DPP6: variants seen among roughly 807,000 people sequenced by gnomAD.
The protein encoded by DPP6 is A-type potassium channel modulatory protein DPP6.
In DPP6, 69 loss-of-function variants were observed where a neutral mutation model predicts 122.6. The observed-to-expected ratio is 0.56, with a 90% CI of 0.46 to 0.69. DPP6 has a LOEUF of 0.69. Ranked by LOEUF, DPP6 falls within the 30% of genes least tolerant of loss-of-function variation. The probability of loss-of-function intolerance (pLI) is 0.00; values close to 1 mark genes in which losing one functional copy is unlikely to be tolerated. For missense variants in DPP6, 928 were observed against 1,116.9 expected (o/e 0.83, Z 2.41); for synonymous variants, 418 against 433.1 (o/e 0.97, Z 0.43).
chr7:154,386,063 A>AG (rs1263756578), intron 1 of DPP6, among the ~76,000 whole-genome samples: 2 of 152,178 alleles, frequency 1.3e-5, no homozygotes, highest in Non-Finnish European at 2.9e-5. Context: ...AAATGCTGCT[A>AG]GTGCCAAGAT....
the DPP6 span, among the ~76,000 whole-genome samples, chr7:153,860,068 C>T: frequency 6.6e-6 from 1 of 152,270 alleles, no homozygotes; most frequent in South Asian, 2.1e-4. Context: ...ACATAGCTAT[C>T]ACTCAATTTA....
At chr7:154,135,582 C>T (rs1585455101) in intron 1 of DPP6, among the ~76,000 whole-genome samples, 1 of 152,054 alleles carries the variant, frequency 6.6e-6, no homozygotes, top group East Asian at 1.9e-4. Context: ...TACTTCCTCT[C>T]TGTGCAATTC....
intron 7 of DPP6, among the ~76,000 whole-genome samples, chr7:154,690,498 C>T (rs3807240): frequency 0.084 from 12,731 of 152,134 alleles, 570 homozygotes; most frequent in Middle Eastern, 0.13. Context: ...GAGAATGGAA[C>T]GGTGCCCATG....
chr7:154,187,634 G>A (rs996209612), intron 1 of DPP6, among the ~76,000 whole-genome samples: 3 of 152,144 alleles, frequency 2.0e-5, no homozygotes, highest in Non-Finnish European at 2.9e-5. Flanking sequence ...CCACAATCAC[G>A]AAGGGCAGTG....
chr7:154,721,234 G>A (rs1318700307), intron 7 of DPP6, among the ~76,000 whole-genome samples: 4 of 152,192 alleles, frequency 2.6e-5, no homozygotes, highest in African/African-American at 9.7e-5. Flanking sequence ...GGAACCTGCT[G>A]CGTAAGGTCC....
chr7:154,467,711 G>T (rs999719382), intron 2 of DPP6, among the ~76,000 whole-genome samples: 1 of 152,130 alleles, frequency 6.6e-6, no homozygotes, highest in African/African-American at 2.4e-5. Context: ...GTCCAAGCTG[G>T]CAATGTTTCT....
At chr7:154,476,911 T>C (rs1041576690) in intron 3 of DPP6, among the ~76,000 whole-genome samples, 3 of 152,016 alleles carry the variant, frequency 2.0e-5, no homozygotes, top group Non-Finnish European at 4.4e-5. Flanking sequence ...GGGAAACATG[T>C]TGAAACGTCA....
chr7:154,545,107 T>A (rs1292665631), intron 4 of DPP6, among the ~76,000 whole-genome samples: 2 of 152,138 alleles, frequency 1.3e-5, no homozygotes, highest in Non-Finnish European at 2.9e-5. Flanking sequence ...AAACCTAAGC[T>A]CACTTTTATT....
the DPP6 span, among the ~76,000 whole-genome samples, chr7:153,847,174 A>C: frequency 6.6e-6 from 1 of 152,062 alleles, no homozygotes; most frequent in Non-Finnish European, 1.5e-5. Flanking sequence ...TTTTATTTTT[A>C]TTTTTTTAAG....
At chr7:154,747,318 G>T (rs764112111) in intron 8 of DPP6, among the ~76,000 whole-genome samples, 3 of 152,214 alleles carry the variant, frequency 2.0e-5, no homozygotes, top group Non-Finnish European at 4.4e-5. Flanking sequence ...CTCTTAGAAG[G>T]TTGCAAACCT....
chr7:154,584,849 G>A (rs1044295240), intron 5 of DPP6, among the ~76,000 whole-genome samples: 3 of 152,102 alleles, frequency 2.0e-5, no homozygotes, highest in African/African-American at 2.4e-5. Context: ...GCTATTCATC[G>A]GCCTCTCATT....
chr7:154,366,016 C>T (rs928029052), intron 1 of DPP6, among the ~76,000 whole-genome samples: 3 of 151,768 alleles, frequency 2.0e-5, no homozygotes, highest in Non-Finnish European at 2.9e-5. Flanking sequence ...CTCTATCTTC[C>T]GGGGTAAGCC....
chr7:154,482,757 A>G (rs1374473919), intron 3 of DPP6, among the ~76,000 whole-genome samples: 1 of 152,218 alleles, frequency 6.6e-6, no homozygotes. Flanking sequence ...TTAGGCTGTG[A>G]CAGGAAAGGA....
At chr7:154,646,194 C>G (rs1836469117) in intron 6 of DPP6, among the ~76,000 whole-genome samples, 1 of 151,492 alleles carries the variant, frequency 6.6e-6, no homozygotes, top group African/African-American at 2.4e-5. Context: ...TTGACAATGA[C>G]TTCCTGGAGC....
intron 1 of DPP6, among the ~76,000 whole-genome samples, chr7:154,367,120 G>A (rs1812255523): frequency 6.6e-6 from 1 of 152,196 alleles, no homozygotes; most frequent in African/African-American, 2.4e-5. Context: ...GGACTGACAA[G>A]ATCAATAATT....
At chr7:153,934,127 C>T (rs1801310994) in intron 1 of DPP6, among the ~76,000 whole-genome samples, 1 of 152,184 alleles carries the variant, frequency 6.6e-6, no homozygotes, top group Admixed American at 6.5e-5. Flanking sequence ...TCAGGGACAC[C>T]ATCCCTGAAG....
chr7:154,450,147 T>G (rs182216165), intron 2 of DPP6, among the ~76,000 whole-genome samples: 262 of 152,224 alleles, frequency 1.7e-3, no homozygotes, highest in African/African-American at 5.1e-3. Flanking sequence ...CCTGGAAACT[T>G]CACACTAAGT....
chr7:154,443,975 A>G (rs73726876), intron 1 of DPP6, among the ~76,000 whole-genome samples: 28,633 of 151,448 alleles, frequency 0.19, 3,885 homozygotes, highest in African/African-American at 0.38. Flanking sequence ...GGAAAGCAGA[A>G]TCAATCCTAC....
At position 154,061,948 on chromosome 7, in the gene DPP6, A is replaced by C. The variant is rs1284479075; in HGVS notation, c.243+8885A>C. On this transcript the variant is annotated intron_variant, in intron 1 of 25. Transcript: ENST00000377770. ...ACCCCCATCGCAGGAGGGGGAGGCA[A>C]CCCTGCGAGGGTGGGGACTGAGAGC... 5.0e-3 allele frequency among the ~76,000 whole-genome samples: 473 copies of C among 94,378 alleles called. 26 individuals are homozygous for C. Among genetic ancestry groups the C allele is most frequent in the African/African-American group, 0.011 (245 of 22,572 alleles). The allele number at this position is 94,378 out of a possible 152,430, so 61.9% of individuals were successfully genotyped here.
Sources: gnomAD v4.1 joint callset for allele counts (sites outside exome capture counted in the v4.1 genomes callset) on GRCh38, gnomAD v4.1.1 for gene constraint, MANE v1.5 for transcripts, NCBI Gene and HGNC (gene_info 2026-07-23, HGNC 2026-07-21) for gene names.